Variants in SMOC2 observed in about 807,000 individuals in gnomAD.
The protein encoded by SMOC2 is SPARC-related modular calcium-binding protein 2.
Under a neutral mutation model 61.4 loss-of-function variants are expected in SMOC2, and 39 were observed. The ratio of observed to expected loss-of-function variants is 0.64; its 90% CI spans 0.49 to 0.83. SMOC2 has a LOEUF of 0.83. Among genes scored for constraint, SMOC2 ranks in the 40% least tolerant of loss-of-function variants. SMOC2 has a pLI of 0.00. For missense variants in SMOC2, 556 were observed against 592.9 expected (o/e 0.94, Z 0.65); for synonymous variants, 247 against 239.9 (o/e 1.03, Z -0.27).
intron 2 of SMOC2, among the ~76,000 whole-genome samples, chr6:168,520,448 G>A (rs556241190): frequency 6.6e-5 from 10 of 152,282 alleles, no homozygotes; most frequent in South Asian, 6.2e-4. Flanking sequence ...CACCAGCCCC[G>A]TCCCGGCCAG....
chr6:168,472,250 C>T (rs566681657), intron 1 of SMOC2, among the ~76,000 whole-genome samples: 4 of 152,124 alleles, frequency 2.6e-5, no homozygotes, highest in East Asian at 1.9e-4. Flanking sequence ...GGTCCAACTT[C>T]GTTGTTTTGC....
intron 1 of SMOC2, among the ~76,000 whole-genome samples, chr6:168,485,024 G>A (rs1408937335): frequency 1.3e-5 from 2 of 152,140 alleles, no homozygotes; most frequent in Non-Finnish European, 2.9e-5. Flanking sequence ...ACAGATGGTG[G>A]TGATAGTTAT....
chr6:168,664,182 G>A lies in SMOC2; in HGVS notation c.1323+71G>A, dbSNP rs763539890. ...ATAAACAATAAAAATTCAGAGTTATGTAGATTTGCAATGGCCAGTACCTTC... is the reference window on the plus strand; with the variant it reads ...ATAAACAATAAAAATTCAGAGTTATATAGATTTGCAATGGCCAGTACCTTC... On this transcript the variant is annotated intron_variant, in intron 12 of 12. Transcript: ENST00000356284. The A allele has an allele frequency of 9.2e-6, 12 of 1,307,366 alleles. No individual in the cohort carries two copies. The South Asian group carries it at 1.5e-4, about 16-fold the overall frequency. The allele number at this position is 1,307,366 out of a possible 1,614,324, so 81.0% of individuals were successfully genotyped here. A position where few individuals can be genotyped will look rare whatever the true frequency, so the allele number is the denominator to read the frequency against.
intron 4 of SMOC2, among the ~76,000 whole-genome samples, chr6:168,536,023 A>G (rs1783724465): frequency 6.6e-6 from 1 of 152,178 alleles, no homozygotes; most frequent in Admixed American, 6.5e-5. Context: ...ACACGTGCCA[A>G]CCTCACTCGG....
At chr6:168,465,107 A>G (rs528864541) in intron 1 of SMOC2, among the ~76,000 whole-genome samples, 1 of 152,378 alleles carries the variant, frequency 6.6e-6, no homozygotes, top group East Asian at 1.9e-4. Flanking sequence ...GAACCTGCCC[A>G]GCGGTTGTCT....
intron 2 of SMOC2, among the ~76,000 whole-genome samples, chr6:168,517,452 A>G (rs562680009): frequency 6.6e-6 from 1 of 152,298 alleles, no homozygotes; most frequent in Admixed American, 6.5e-5. Flanking sequence ...ATGTGGGTCG[A>G]GGTGCAGCTC....
intron 7 of SMOC2, among the ~76,000 whole-genome samples, chr6:168,557,197 A>G (rs1784271136): frequency 6.6e-6 from 1 of 152,180 alleles, no homozygotes; most frequent in South Asian, 2.1e-4. Flanking sequence ...ATGACATTAC[A>G]CAAACATCAA....
chr6:168,598,778 G>T, intron 7 of SMOC2, 40 bp from the exon 8 acceptor site: 2 of 1,607,292 alleles, frequency 1.2e-6, no homozygotes, highest in East Asian at 4.5e-5. Context: ...GGACGACGTC[G>T]CTGGATCCTG....
intron 7 of SMOC2, among the ~76,000 whole-genome samples, chr6:168,554,413 A>G (rs1424422588): frequency 1.3e-5 from 2 of 152,222 alleles, no homozygotes; most frequent in East Asian, 1.9e-4. Flanking sequence ...GGAGCTCAAG[A>G]AGCTTCTGTT....
Position 168,545,877 on chromosome 6 carries a change from G to A in SMOC2, c.512-1242G>A, listed in dbSNP as rs548203106. On this transcript the variant is annotated intron_variant, in intron 5 of 12. Transcript: ENST00000356284. ...TTTAAGACTTTTTGTATGTTCTTGT[G>A]TTTAAAATATGTTTCCCATTTTGTT... is the stretch of plus-strand genomic sequence containing the variant. 3.3e-5 allele frequency among the ~76,000 whole-genome samples: 5 copies of A among 152,254 alleles called. No individual in the cohort carries two copies. The South Asian group carries it at 1.0e-3, about 32-fold the overall frequency.
chr6:168,454,238 C>A (rs914786024), intron 1 of SMOC2, among the ~76,000 whole-genome samples: 4 of 152,094 alleles, frequency 2.6e-5, no homozygotes, highest in Non-Finnish European at 5.9e-5. Flanking sequence ...TGTCCCGGCT[C>A]CCCCAGGAAG....
At chr6:168,627,814 A>G (rs1264605567) in intron 9 of SMOC2, among the ~76,000 whole-genome samples, 5 of 152,152 alleles carry the variant, frequency 3.3e-5, no homozygotes, top group Non-Finnish European at 7.4e-5. Context: ...CTGTGCCTCC[A>G]CTGGAAACTG....
intron 11 of SMOC2, among the ~76,000 whole-genome samples, chr6:168,659,666 C>T (rs144628660): frequency 0.068 from 2,703 of 39,890 alleles, 44 homozygotes; most frequent in Middle Eastern, 0.15. Flanking sequence ...AGGTTGTAGG[C>T]TGGGTGAGGG....
At chr6:168,473,378 C>A (rs1782008461) in intron 1 of SMOC2, among the ~76,000 whole-genome samples, 1 of 152,166 alleles carries the variant, frequency 6.6e-6, no homozygotes, top group South Asian at 2.1e-4. Flanking sequence ...TTGCTCAGGT[C>A]CTTTCCCTGC....
intron 1 of SMOC2, among the ~76,000 whole-genome samples, chr6:168,466,592 G>C (rs1221368893): frequency 6.6e-6 from 1 of 152,254 alleles, no homozygotes; most frequent in Non-Finnish European, 1.5e-5. Flanking sequence ...CTCAGTTGTA[G>C]TGAGTTTCCA....
At chr6:168,628,248 C>A (rs1786467508) in intron 9 of SMOC2, among the ~76,000 whole-genome samples, 1 of 152,230 alleles carries the variant, frequency 6.6e-6, no homozygotes, top group Non-Finnish European at 1.5e-5. Context: ...CTCGTCGAGA[C>A]ATACACTTTC....
rs1170543588 is a variant in SMOC2, at chr6:168,441,338, G to C, written c.-33G>C. 2 of 1,496,824 alleles carry C rather than the reference G, an allele frequency of 1.3e-6. No homozygotes were observed. Among genetic ancestry groups the C allele is most frequent in the Admixed American group, 2.1e-5 (1 of 46,792 alleles). The allele number at this position is 1,496,824 out of a possible 1,614,324, so 92.7% of individuals were successfully genotyped here. ...GCTGCAGTGCCAGGGCGCAGGACGCGGCCGATCTCCCGCTCCCGCCACCTC... is the reference window on the plus strand; with the variant it reads ...GCTGCAGTGCCAGGGCGCAGGACGCCGCCGATCTCCCGCTCCCGCCACCTC... On this transcript the variant is annotated 5_prime_UTR_variant, in exon 1 of 13. Coordinates refer to ENST00000356284, the MANE Select transcript of SMOC2 (RefSeq NM_001166412.2).
chr6:168,657,909 A>G (rs1465193041), intron 11 of SMOC2, among the ~76,000 whole-genome samples: 1 of 152,170 alleles, frequency 6.6e-6, no homozygotes, highest in Non-Finnish European at 1.5e-5. Context: ...ACGCCTCTGT[A>G]TTAGGGATTG....
intron 1 of SMOC2, among the ~76,000 whole-genome samples, chr6:168,505,610 G>A (rs1782856841): frequency 6.6e-6 from 1 of 152,246 alleles, no homozygotes. Flanking sequence ...TGAATGAAAT[G>A]TCCGTCTCTG....
Sources: allele counts gnomAD v4.1 joint callset (sites outside exome capture counted in the v4.1 genomes callset), GRCh38; gene constraint gnomAD v4.1.1; transcripts MANE v1.5; gene names NCBI Gene and HGNC (gene_info 2026-07-23, HGNC 2026-07-21).